The following PDK3 variants were observed in gnomAD, a reference collection of about 807,000 sequenced individuals.
PDK3 encodes pyruvate dehydrogenase kinase 3.
A neutral mutation model predicts 32.0 loss-of-function variants in PDK3; 12 were observed. The observed-to-expected ratio is 0.37, with a 90% CI of 0.24 to 0.61. PDK3 has a LOEUF of 0.61. Ranked by LOEUF, PDK3 falls within the 20% of genes least tolerant of loss-of-function variation. The pLI, the probability that PDK3 is intolerant of heterozygous loss-of-function variation, is 0.65. For synonymous variants in PDK3, 122 were observed against 116.3 expected, an observed-to-expected ratio of 1.05 and a Z score of -0.31; for missense variants, 188 against 316.9, an observed-to-expected ratio of 0.59 and a Z score of 3.09.
intron 1 of PDK3, among the ~76,000 whole-genome samples, chrX:24,483,773 C>T (rs866252716): frequency 7.2e-5 from 8 of 111,444 alleles, no homozygotes; most frequent in African/African-American, 2.6e-4. Context: ...AGTGCAGTGG[C>T]GCAATCTTGG....
chrX:24,506,801 C>CTTTTTTTTTTTTTTTTTTTTTTT (rs10682263), intron 5 of PDK3, among the ~76,000 whole-genome samples: 2 of 49,505 alleles, frequency 4.0e-5, no homozygotes, highest in Non-Finnish European at 7.0e-5. Flanking sequence ...TTTTTTCTTT[C>CTTTTTTTTTTTTTTTTTTTTTTT]TTTTTTTTTT....
At chrX:24,483,177 G>A (rs184368604) in intron 1 of PDK3, among the ~76,000 whole-genome samples, 1 of 112,381 alleles carries the variant, frequency 8.9e-6, no homozygotes, top group Non-Finnish European at 1.9e-5. Flanking sequence ...TGCTTTGAGA[G>A]TGACTTGCTT....
chrX:24,530,849 A>G (rs1569227775), intron 9 of PDK3, among the ~76,000 whole-genome samples: 2 of 111,688 alleles, frequency 1.8e-5, no homozygotes, highest in Non-Finnish European at 3.8e-5. Flanking sequence ...AAATATTCTC[A>G]CATTCCCGGA....
exon 12 of PDK3, among the ~76,000 whole-genome samples, chrX:24,542,212 G>A (rs968190390): frequency 2.7e-5 from 3 of 112,205 alleles, no homozygotes; most frequent in Non-Finnish European, 5.6e-5. Flanking sequence ...ATCCGCAGGA[G>A]CCATCTCTTC....
intron 7 of PDK3, among the ~76,000 whole-genome samples, chrX:24,526,797 C>T (rs990158513): frequency 1.8e-5 from 2 of 111,043 alleles, no homozygotes; most frequent in Admixed American, 9.6e-5. Flanking sequence ...AACCACCCCT[C>T]CCCCCCACCA....
At chrX:24,513,291 A>T (rs1922171320) in intron 5 of PDK3, among the ~76,000 whole-genome samples, 1 of 110,958 alleles carries the variant, frequency 9.0e-6, no homozygotes, top group South Asian at 3.9e-4. Flanking sequence ...GGTAGGAAGG[A>T]TGATGATAGA....
chrX:24,520,174 T>C (rs1299716570), intron 6 of PDK3, among the ~76,000 whole-genome samples: 1 of 111,557 alleles, frequency 9.0e-6, no homozygotes, highest in Non-Finnish European at 1.9e-5. Flanking sequence ...CCCTGGGCAA[T>C]AGTTTGAAAC....
chrX:24,487,363 A>G (rs1473945352), intron 1 of PDK3, among the ~76,000 whole-genome samples: 1 of 112,078 alleles, frequency 8.9e-6, no homozygotes, highest in Non-Finnish European at 1.9e-5. Flanking sequence ...GGGACAACAG[A>G]CACTGTAAAC....
chrX:24,494,717 T>A, intron 1 of PDK3, 25 bp from the exon 2 acceptor site: 1 of 1,139,028 alleles, frequency 8.8e-7, no homozygotes, highest in Non-Finnish European at 1.2e-6. Flanking sequence ...TATAAAATCA[T>A]GGAACATTTT....
chrX:24,512,573 G>A (rs1389712785), intron 5 of PDK3, among the ~76,000 whole-genome samples: 3 of 111,292 alleles, frequency 2.7e-5, no homozygotes, highest in African/African-American at 9.8e-5. Context: ...TATCAGCCTG[G>A]CCAACATGGT....
In PDK3 at chrX:24,540,843, TAA is replaced by T. The variant is rs199895709; in HGVS notation, c.*1693_*1694del. Among the ~76,000 whole-genome samples the T allele has an allele frequency of 4.5e-4, 32 of 70,729 alleles. 1 individual carries two copies. In the South Asian group the frequency reaches 4.7e-3, roughly 10 times the overall value. 61.4% of individuals were successfully genotyped at this position (70,729 alleles called of 115,157 possible). A position where few individuals can be genotyped will look rare whatever the true frequency, so the allele number is the denominator to read the frequency against. ...TTATTTTTGTGTGGCATAAAAGATG[TAA>T]AAAAAAAAAAAAATGGTCCTTTACA... On this transcript the variant is annotated 3_prime_UTR_variant, in exon 12 of 12. Transcript: ENST00000568479.
chrX:24,473,859 T>C (rs1312038601), intron 1 of PDK3, among the ~76,000 whole-genome samples: 1 of 112,118 alleles, frequency 8.9e-6, no homozygotes, highest in African/African-American at 3.2e-5. Flanking sequence ...GGTGGCTCCT[T>C]GTTATATTTG....
chrX:24,521,399 C>G (rs1922394271), intron 6 of PDK3, among the ~76,000 whole-genome samples: 1 of 110,769 alleles, frequency 9.0e-6, no homozygotes, highest in Non-Finnish European at 1.9e-5. Context: ...AAGGACATGG[C>G]CCCTCCATTT....
chrX:24,478,857 A>G (rs968170945), intron 1 of PDK3, among the ~76,000 whole-genome samples: 5 of 112,059 alleles, frequency 4.5e-5, no homozygotes, highest in African/African-American at 1.6e-4. Context: ...TTTGAGTTGT[A>G]CCAGTGTTGC....
chrX:24,499,012 C>G, intron 3 of PDK3, 112 bp downstream of exon 3: 1 of 389,490 alleles, frequency 2.6e-6, no homozygotes, highest in Non-Finnish European at 4.2e-6. Flanking sequence ...CAAAAGCGTT[C>G]ATTTTCTTAA....
chrX:24,545,323 C>T (rs962004468), exon 12 of PDK3, among the ~76,000 whole-genome samples: 4 of 112,065 alleles, frequency 3.6e-5, no homozygotes, highest in Non-Finnish European at 7.5e-5. Context: ...AAGTCTTCAT[C>T]AGGATTCCTT....
At chrX:24,494,943 G>A in intron 2 of PDK3, 60 bp downstream of exon 2, 6 of 1,036,984 alleles carry the variant, frequency 5.8e-6, no homozygotes, top group Non-Finnish European at 8.0e-6. Flanking sequence ...ATTTGGCAGC[G>A]AGACCATTCT....
chrX:24,501,516 C>A (rs1343669161), intron 3 of PDK3, among the ~76,000 whole-genome samples: 2 of 112,724 alleles, frequency 1.8e-5, no homozygotes, highest in East Asian at 2.8e-4. Context: ...GAGTTCGAGA[C>A]CAGCCTGGGC....
chrX:24,486,318 G>C, intron 1 of PDK3, among the ~76,000 whole-genome samples: 1 of 111,472 alleles, frequency 9.0e-6, no homozygotes, highest in Non-Finnish European at 1.9e-5. Flanking sequence ...GCTCAGATGG[G>C]CAGTCCTAGT....
Sources: allele counts gnomAD v4.1 joint callset (sites outside exome capture counted in the v4.1 genomes callset), GRCh38; gene constraint gnomAD v4.1.1; transcripts MANE v1.5; gene names NCBI Gene and HGNC (gene_info 2026-07-23, HGNC 2026-07-21).